Variants in ALDH3A2 observed in about 807,000 individuals in gnomAD.
ALDH3A2 encodes aldehyde dehydrogenase family 3 member A2.
Under a neutral mutation model 51.3 loss-of-function variants are expected in ALDH3A2, and 36 were observed. The observed-to-expected ratio is 0.70, with a 90% CI of 0.54 to 0.93. The LOEUF (loss-of-function observed/expected upper bound fraction) is 0.93. Ranked by LOEUF, ALDH3A2 falls within the 40% of genes least tolerant of loss-of-function variation. ALDH3A2 has a pLI of 0.00. For missense variants in ALDH3A2, 552 were observed against 603.1 expected (o/e 0.92, Z 0.89); for synonymous variants, 199 against 219.8 (o/e 0.91, Z 0.84).
chr17:19,670,029 A>G (rs1407088848), intron 8 of ALDH3A2, among the ~76,000 whole-genome samples: 2 of 152,146 alleles, frequency 1.3e-5, no homozygotes, highest in Non-Finnish European at 1.5e-5. Flanking sequence ...CACATATTCA[A>G]CCAATCCAGT....
rs1180915557 is a variant in ALDH3A2, at chr17:19,671,870, T to G, written c.1357T>G (p.Phe453Val). 6.2e-7 allele frequency: 1 copy of G among 1,614,046 alleles called. No homozygotes were observed. The change falls in exon 9 of 10, where the codon TTT becomes GTT. Residue 453 changes from phenylalanine (F) to valine (V), a missense_variant. Physicochemically the swap from Phe to Val is conservative, Grantham distance 50 (BLOSUM62 -1). Transcript: ENST00000176643. ...CCAGTCAAAGGTGGATTGGGGAAAATTTTTTCTCTTGAAACGGTTCAACAA... is the reference window on the plus strand; with the variant it reads ...CCAGTCAAAGGTGGATTGGGGAAAAGTTTTTCTCTTGAAACGGTTCAACAA... ...NSQSKVDWGK[F>V]FLLKRFNKEK...
chr17:19,662,577 G>A (rs542410274), intron 6 of ALDH3A2, among the ~76,000 whole-genome samples: 1 of 152,260 alleles, frequency 6.6e-6, no homozygotes, highest in East Asian at 1.9e-4. Context: ...AGCCTCCCCA[G>A]CATCTGTTTC....
intron 9 of ALDH3A2, among the ~76,000 whole-genome samples, chr17:19,673,725 A>C (rs1386179961): frequency 6.6e-6 from 1 of 151,534 alleles, no homozygotes; most frequent in South Asian, 2.1e-4. Context: ...CTCCAAAAAA[A>C]AAGAAAGAAA....
intron 1 of ALDH3A2, 118 bp downstream of exon 1, chr17:19,649,242 T>C: frequency 7.3e-7 from 1 of 1,367,526 alleles, no homozygotes; most frequent in Non-Finnish European, 9.9e-7. Context: ...GCACTGGGAG[T>C]ATGATCTCCA....
At chr17:19,658,661 T>C (rs2084928450) in intron 5 of ALDH3A2, among the ~76,000 whole-genome samples, 1 of 150,596 alleles carries the variant, frequency 6.6e-6, no homozygotes, top group Non-Finnish European at 1.5e-5. Context: ...CTGGCAAGAA[T>C]CGCTTGAACC....
chr17:19,673,964 C>T (rs944164254), intron 9 of ALDH3A2: 1 of 152,550 alleles, frequency 6.6e-6, no homozygotes, highest in African/African-American at 2.4e-5. Context: ...CTACTCAGCT[C>T]TCCTGGGGGA....
intron 8 of ALDH3A2, among the ~76,000 whole-genome samples, chr17:19,665,376 CGTGTGT>C (rs34642385): frequency 1.0e-4 from 15 of 145,024 alleles, no homozygotes; most frequent in East Asian, 2.0e-4. Flanking sequence ...GATCTCTCTT[CGTGTGT>C]GTGTGTGTGT....
chr17:19,664,901 C>T, intron 7 of ALDH3A2, 47 bp from the exon 8 acceptor site: 1 of 1,403,196 alleles, frequency 7.1e-7, no homozygotes, highest in Non-Finnish European at 1.0e-6. Flanking sequence ...ATGAGTGTTC[C>T]CTAAGGGGCA....
chr17:19,669,635 T>C (rs2085085436), intron 8 of ALDH3A2, among the ~76,000 whole-genome samples: 3 of 152,236 alleles, frequency 2.0e-5, no homozygotes, highest in Admixed American at 2.0e-4. Flanking sequence ...GCCTTTTCTT[T>C]TCTTTTTTTT....
Position 19,661,210 on chromosome 17 carries a change from G to A in ALDH3A2, c.882G>A (p.Leu294=). The A allele has an allele frequency of 1.2e-6, 2 of 1,614,104 alleles. No individual in the cohort carries two copies. The highest frequency in any genetic ancestry group is 1.7e-6 in the Non-Finnish European group (2 of 1,180,002). The change falls in exon 6 of 10, where the codon TTG becomes TTA. Residue 294 remains leucine (L), a synonymous_variant. Coordinates refer to ENST00000176643, the MANE Select transcript of ALDH3A2 (RefSeq NM_000382.3). The stretch of plus-strand genomic sequence containing the variant: ...GTCATTTTAAGAGGATACTAAGTTT[G>A]CTTGAAGGACAAAAGATAGCTTTTG... ...NLRHFKRILS[L]LEGQKIAFGG...
rs2085210053 is a variant in ALDH3A2 at position 19,677,529 on chromosome 17, C to G, written c.*1957C>G. ...CTCCTGGTATGGAACCTCAGATATA[C>G]CCTATTGGAGACAATCCTTTGATCA... On this transcript the variant is annotated 3_prime_UTR_variant, in exon 10 of 10. Coordinates refer to ENST00000176643, the MANE Select transcript of ALDH3A2 (RefSeq NM_000382.3). 6.6e-6 allele frequency: 1 copy of G among 152,112 alleles called. No homozygotes were observed. The highest frequency in any genetic ancestry group is 2.4e-5 in the African/African-American group (1 of 41,432). The allele number at this position is 152,112 out of a possible 1,614,324, so 9.4% of individuals were successfully genotyped here. A position where few individuals can be genotyped will look rare whatever the true frequency, so the allele number is the denominator to read the frequency against.
rs1272297637 is a variant in ALDH3A2 at position 19,664,817 on chromosome 17, T to C, written c.1108-131T>C. The C allele has an allele frequency of 1.4e-5, 10 of 709,156 alleles. No individual in the cohort carries two copies. In the East Asian group the frequency reaches 2.7e-4, roughly 19 times the overall value. 43.9% of individuals were successfully genotyped at this position (709,156 alleles called of 1,614,324 possible). A position where few individuals can be genotyped will look rare whatever the true frequency, so the allele number is the denominator to read the frequency against. ...CATGGTGTCCCCAAACTCGAGAATT[T>C]TCACTGACACAAAGCCAGAATGTGC... is the stretch of plus-strand genomic sequence containing the variant. On this transcript the variant is annotated intron_variant, in intron 7 of 9. Coordinates refer to ENST00000176643, the MANE Select transcript of ALDH3A2 (RefSeq NM_000382.3).
intron 8 of ALDH3A2, among the ~76,000 whole-genome samples, chr17:19,665,699 C>G (rs2085028066): frequency 6.6e-6 from 1 of 152,190 alleles, no homozygotes; most frequent in Non-Finnish European, 1.5e-5. Context: ...GCCTCTCCCA[C>G]ATGTGAGATG....
chr17:19,650,593 A>G (rs2084802443), intron 1 of ALDH3A2, among the ~76,000 whole-genome samples: 1 of 152,046 alleles, frequency 6.6e-6, no homozygotes. Flanking sequence ...AGCTGGGACT[A>G]CAGGCGCCCG....
At chr17:19,669,768 G>A (rs966648586) in intron 8 of ALDH3A2, among the ~76,000 whole-genome samples, 1 of 151,988 alleles carries the variant, frequency 6.6e-6, no homozygotes, top group African/African-American at 2.4e-5. Flanking sequence ...CTGAATAGCT[G>A]GGATTACAAG....
In ALDH3A2 at chr17:19,657,795, C is replaced by G. The variant is rs2084916687; in HGVS notation, c.731C>G (p.Pro244Arg). 1 of 1,614,046 alleles carries G rather than the reference C, an allele frequency of 6.2e-7. No homozygotes were observed. Among genetic ancestry groups the G allele is most frequent in the Non-Finnish European group, 8.5e-7 (1 of 1,179,966 alleles). ...YMNCGQTCIA[P>R]DYILCEASLQ... ...AATTGTGGCCAAACCTGCATTGCACCCGACTATATTCTCTGTGAAGCATCC... is the reference window on the plus strand; with the variant it reads ...AATTGTGGCCAAACCTGCATTGCACGCGACTATATTCTCTGTGAAGCATCC... The change falls in exon 5 of 10, where the codon CCC (proline) becomes CGC (arginine). Residue 244 changes from proline to arginine, a missense_variant. Transcript: ENST00000176643.
rs1400349287 is a variant in ALDH3A2, at chr17:19,657,731, T to C, written c.681-14T>C. On this transcript the variant is annotated splice_polypyrimidine_tract_variant and intron_variant, in intron 4 of 9. Coordinates refer to ENST00000176643, the MANE Select transcript of ALDH3A2 (RefSeq NM_000382.3). Reference sequence around the variant, plus strand: ...TACTGAATTATATAGCTGTTCTGGATGTTTTCCCCTCAGACGCATAACCTG... The same window carrying C: ...TACTGAATTATATAGCTGTTCTGGACGTTTTCCCCTCAGACGCATAACCTG... The C allele has an allele frequency of 1.3e-6, 2 of 1,549,282 alleles. No homozygotes were observed. Among genetic ancestry groups the C allele is most frequent in the Non-Finnish European group, 1.8e-6 (2 of 1,121,202 alleles).
At chr17:19,656,057 C>T (rs536269001) in intron 3 of ALDH3A2, 78 of 397,868 alleles carry the variant, frequency 2.0e-4, no homozygotes, top group South Asian at 9.6e-4. Flanking sequence ...TGCACACACC[C>T]GCGTCTCATG....
chr17:19,648,767 C>G lies in ALDH3A2; in HGVS notation c.-205C>G. 1 of 679,884 alleles carries G rather than the reference C, an allele frequency of 1.5e-6. No homozygotes were observed. 42.1% of individuals were successfully genotyped at this position (679,884 alleles called of 1,614,324 possible). A position where few individuals can be genotyped will look rare whatever the true frequency, so the allele number is the denominator to read the frequency against. On this transcript the variant is annotated 5_prime_UTR_variant, in exon 1 of 10. Transcript: ENST00000176643. ...GTCGAGCTCAGTCCTCCCCCGGCGCCTCCGACTGGCAGTGGGACTCAGCGG... is the reference window on the plus strand; with the variant it reads ...GTCGAGCTCAGTCCTCCCCCGGCGCGTCCGACTGGCAGTGGGACTCAGCGG...
Sources: gnomAD v4.1 joint callset for allele counts (sites outside exome capture counted in the v4.1 genomes callset) on GRCh38, gnomAD v4.1.1 for gene constraint, MANE v1.5 for transcripts, NCBI Gene and HGNC (gene_info 2026-07-23, HGNC 2026-07-21) for gene names.